Variants in NUDT3 observed in about 807,000 individuals in gnomAD.
The protein encoded by NUDT3 is nudix hydrolase 3.
Under a neutral mutation model 23.6 loss-of-function variants are expected in NUDT3, and 9 were observed. The ratio of observed to expected loss-of-function variants is 0.38; its 90% CI spans 0.23 to 0.66. The LOEUF (loss-of-function observed/expected upper bound fraction) is 0.66. NUDT3 is among the 30% of genes least tolerant of loss of function. The pLI is 0.52. For synonymous variants in NUDT3, 86 were observed against 82.6 expected (o/e 1.04, Z -0.22); for missense variants, 172 against 218.5 (o/e 0.79, Z 1.34).
chr6:34,330,404 T>C (rs893262036), intron 2 of NUDT3, among the ~76,000 whole-genome samples: 2 of 152,204 alleles, frequency 1.3e-5, no homozygotes, highest in Non-Finnish European at 2.9e-5. Context: ...TGGCCAGTGA[T>C]GATGAGCATT....
At chr6:34,373,280 A>G (rs1190769216) in intron 1 of NUDT3, among the ~76,000 whole-genome samples, 1 of 100,216 alleles carries the variant, frequency 1.0e-5, no homozygotes, top group African/African-American at 5.6e-5. Context: ...CTCCGTCTCA[A>G]AAAAAAAAAA....
rs545405092 is a variant in NUDT3, at chr6:34,295,404, C to T, written c.255+237G>A. On this transcript the variant is annotated intron_variant, in intron 3 of 4. Transcript: ENST00000607016. The stretch of plus-strand genomic sequence containing the variant: ...AAGGATGGTGGTGTATCCATGTAGT[C>T]TCACCTACCTGGGAGGCTGATGCAG... 3.9e-5 allele frequency among the ~76,000 whole-genome samples: 6 copies of T among 152,100 alleles called. No homozygotes were observed. In the South Asian group the frequency reaches 1.2e-3, roughly 32 times the overall value.
intron 1 of NUDT3, among the ~76,000 whole-genome samples, chr6:34,368,717 CA>C (rs1443559026): frequency 2.0e-5 from 3 of 152,156 alleles, no homozygotes; most frequent in Admixed American, 6.6e-5. Flanking sequence ...CAGTTCACTG[CA>C]AACTCCACCT....
intron 3 of NUDT3, among the ~76,000 whole-genome samples, chr6:34,294,969 C>G (rs1763478010): frequency 6.6e-6 from 1 of 152,036 alleles, no homozygotes; most frequent in Non-Finnish European, 1.5e-5. Flanking sequence ...TTTTCCCTGC[C>G]TTCTTTCAAA....
At chr6:34,367,928 C>T (rs1581894044) in intron 1 of NUDT3, among the ~76,000 whole-genome samples, 1 of 152,162 alleles carries the variant, frequency 6.6e-6, no homozygotes, top group Non-Finnish European at 1.5e-5. Flanking sequence ...CTTGGCCAGG[C>T]GCAGTGGCTC....
In NUDT3 at chr6:34,308,751, T is replaced by A. The variant is rs146578529; in HGVS notation, c.211-13066A>T. ...TCAGTTCTACAAGATGACATAATAA[T>A]CCTTAATGTGTATATGCCTAACAAC... On this transcript the variant is annotated intron_variant, in intron 2 of 4. Transcript: ENST00000607016. Among the ~76,000 whole-genome samples, 638 of 152,252 alleles carry A rather than the reference T, an allele frequency of 4.2e-3. 7 individuals are homozygous for A. Among genetic ancestry groups the A allele is most frequent in the African/African-American group, 0.015 (606 of 41,542 alleles).
intron 2 of NUDT3, among the ~76,000 whole-genome samples, chr6:34,320,530 T>A (rs956530643): frequency 6.6e-6 from 1 of 152,122 alleles, no homozygotes. Flanking sequence ...CCTACTTTTC[T>A]GCTTTTAAAA....
intron 2 of NUDT3, among the ~76,000 whole-genome samples, chr6:34,307,581 A>C (rs1181448009): frequency 1.3e-5 from 2 of 152,202 alleles, no homozygotes; most frequent in African/African-American, 4.8e-5. Context: ...GTCTCTAAAA[A>C]TTTTAACAAG....
chr6:34,388,088 T>C (rs1765138439), intron 1 of NUDT3, among the ~76,000 whole-genome samples: 1 of 152,178 alleles, frequency 6.6e-6, no homozygotes, highest in South Asian at 2.1e-4. Flanking sequence ...TGCATTACAA[T>C]TGCCTATTTA....
chr6:34,308,868 T>C (rs777776868), intron 2 of NUDT3, among the ~76,000 whole-genome samples: 13 of 152,214 alleles, frequency 8.5e-5, no homozygotes, highest in African/African-American at 1.4e-4. Context: ...AATACCCCTC[T>C]ATCGAAACAG....
intron 2 of NUDT3, among the ~76,000 whole-genome samples, chr6:34,307,117 A>G (rs576104420): frequency 1.3e-5 from 2 of 152,322 alleles, no homozygotes; most frequent in South Asian, 4.1e-4. Context: ...AAAGAGATAT[A>G]ATTCTGAAAC....
chr6:34,365,482 A>T (rs1352114456), intron 1 of NUDT3, among the ~76,000 whole-genome samples: 2 of 152,190 alleles, frequency 1.3e-5, no homozygotes, highest in African/African-American at 2.4e-5. Flanking sequence ...TTTAGCCTTA[A>T]AAAGGAATGA....
intron 1 of NUDT3, among the ~76,000 whole-genome samples, chr6:34,347,984 A>G (rs1185248223): frequency 6.7e-6 from 1 of 149,740 alleles, no homozygotes; most frequent in Non-Finnish European, 1.5e-5. Flanking sequence ...AAAAAAATAA[A>G]TAAATAAATA....
At chr6:34,391,247 C>T (rs182833368) in intron 1 of NUDT3, among the ~76,000 whole-genome samples, 44 of 152,328 alleles carry the variant, frequency 2.9e-4, no homozygotes, top group Non-Finnish European at 5.6e-4. Context: ...GCCACCATAG[C>T]CCACTGCTGA....
chr6:34,281,510 C>CTTTGATTAT lies in NUDT3; in HGVS notation c.*7242_*7243insATAATCAAA, dbSNP rs1763279127. ...ACTGAAATTTTACTTATTCTAACCA[C>CTTTGATTAT]CAACCTTTTCTTTGATTATCAACCA... is the stretch of plus-strand genomic sequence containing the variant. On this transcript the variant is annotated 3_prime_UTR_variant, in exon 5 of 5. Transcript: ENST00000607016. 2 of 137,776 alleles carry CTTTGATTAT rather than the reference C, an allele frequency of 1.5e-5. No homozygotes were observed. The highest frequency in any genetic ancestry group is 3.3e-5 in the Non-Finnish European group (2 of 61,052). The allele number at this position is 137,776 out of a possible 1,614,324, so 8.5% of individuals were successfully genotyped here.
chr6:34,348,879 A>T (rs1425340460), intron 1 of NUDT3, among the ~76,000 whole-genome samples: 25 of 149,064 alleles, frequency 1.7e-4, no homozygotes, highest in Non-Finnish European at 2.2e-4. Flanking sequence ...TTTTTTTTTT[A>T]GACAGGATCT....
chr6:34,355,948 T>A (rs1764554351), intron 1 of NUDT3, among the ~76,000 whole-genome samples: 1 of 152,178 alleles, frequency 6.6e-6, no homozygotes, highest in African/African-American at 2.4e-5. Context: ...TTCATCTGTA[T>A]CCTTTGCAAT....
chr6:34,326,507 T>C (rs1764032485), intron 2 of NUDT3, among the ~76,000 whole-genome samples: 1 of 152,240 alleles, frequency 6.6e-6, no homozygotes, highest in South Asian at 2.1e-4. Context: ...TTTTAATCCA[T>C]ATGCAGACAT....
chr6:34,351,508 A>G (rs1764475867), intron 1 of NUDT3, among the ~76,000 whole-genome samples: 1 of 149,450 alleles, frequency 6.7e-6, no homozygotes, highest in Non-Finnish European at 1.5e-5. Context: ...TTGGGAGGCC[A>G]AGGCGGGCAT....
Sources: allele counts gnomAD v4.1 joint callset (sites outside exome capture counted in the v4.1 genomes callset), GRCh38; gene constraint gnomAD v4.1.1; transcripts MANE v1.5; gene names NCBI Gene and HGNC (gene_info 2026-07-23, HGNC 2026-07-21).